DSCAM: variants seen among roughly 807,000 people sequenced by gnomAD.
DSCAM encodes the protein cell adhesion molecule DSCAM.
DSCAM carries 47 observed loss-of-function variants against 217.7 expected under a neutral mutation model. The ratio of observed to expected loss-of-function variants is 0.22; its 90% CI spans 0.17 to 0.28. The LOEUF (loss-of-function observed/expected upper bound fraction) is 0.28, where lower values mean the gene tolerates loss of function less well. Among genes scored for constraint, DSCAM ranks in the 10% least tolerant of loss-of-function variants. DSCAM has a pLI of 1.00. For missense variants in DSCAM, 2,080 were observed against 2,618.3 expected (o/e 0.79, Z 4.49); for synonymous variants, 1,056 against 1,015.3 (o/e 1.04, Z -0.76).
chr21:40,458,705 T>C (rs1446957334), intron 3 of DSCAM, among the ~76,000 whole-genome samples: 1 of 152,132 alleles, frequency 6.6e-6, no homozygotes. Flanking sequence ...TTAAACAACA[T>C]AGTTAGATCT....
In DSCAM at chr21:40,429,401, G is replaced by T. The variant is rs137931471; in HGVS notation, c.509-60156C>A. On this transcript the variant is annotated intron_variant, in intron 3 of 32. Coordinates refer to ENST00000400454, the MANE Select transcript of DSCAM (RefSeq NM_001389.5). Reference sequence around the variant, plus strand: ...CCTGCCTCAGCCTCCCGAGTAGCTGGGGTTATAGGCATGCACCACCACGCC... The same window carrying T: ...CCTGCCTCAGCCTCCCGAGTAGCTGTGGTTATAGGCATGCACCACCACGCC... Among the ~76,000 whole-genome samples the T allele has an allele frequency of 3.5e-3, 534 of 152,136 alleles. 4 individuals are homozygous for T. Among genetic ancestry groups the T allele is most frequent in the Non-Finnish European group, 4.5e-3 (308 of 67,996 alleles).
chr21:40,460,805 G>A (rs1239154460), intron 3 of DSCAM, among the ~76,000 whole-genome samples: 2 of 152,176 alleles, frequency 1.3e-5, no homozygotes, highest in Non-Finnish European at 2.9e-5. Context: ...TGGGTGACAT[G>A]AATCAGCCAA....
At chr21:40,683,828 G>A (rs1195694790) in intron 3 of DSCAM, among the ~76,000 whole-genome samples, 1 of 152,200 alleles carries the variant, frequency 6.6e-6, no homozygotes. Context: ...GCAGAGTTGA[G>A]AATGGGGTGC....
chr21:40,438,782 C>T lies in DSCAM; in HGVS notation c.509-69537G>A, dbSNP rs562839535. On this transcript the variant is annotated intron_variant, in intron 3 of 32. Coordinates refer to ENST00000400454, the MANE Select transcript of DSCAM (RefSeq NM_001389.5). ...AAAACAGCAGACCTTTCATCTCTCA[C>T]GAGGCACTGTAACATACATGCTGAG... Among the ~76,000 whole-genome samples the T allele has an allele frequency of 1.1e-4, 16 of 152,280 alleles. No individual in the cohort carries two copies. In the East Asian group the frequency reaches 1.9e-3, roughly 18 times the overall value.
chr21:40,810,326 A>G (rs1163269405), intron 1 of DSCAM, among the ~76,000 whole-genome samples: 1 of 152,180 alleles, frequency 6.6e-6, no homozygotes, highest in Non-Finnish European at 1.5e-5. Flanking sequence ...TTATCTTAGA[A>G]GAATGTAAAT....
intron 19 of DSCAM, among the ~76,000 whole-genome samples, chr21:40,126,072 T>A (rs1444359260): frequency 1.3e-5 from 2 of 152,230 alleles, no homozygotes; most frequent in Admixed American, 6.5e-5. Context: ...TGGGTAGTAC[T>A]GTAAGTTAAT....
At chr21:40,487,243 CTCTCTT>C (rs149363547) in intron 3 of DSCAM, among the ~76,000 whole-genome samples, 17,495 of 151,180 alleles carry the variant, frequency 0.12, 1,166 homozygotes, top group Non-Finnish European at 0.17. Context: ...CTCTCTCTCT[CTCTCTT>C]TCTCTCCCTC....
At chr21:40,306,755 C>A (rs954575755) in intron 9 of DSCAM, among the ~76,000 whole-genome samples, 1 of 151,976 alleles carries the variant, frequency 6.6e-6, no homozygotes. Context: ...TATTAATTTG[C>A]GTATATTGAA....
intron 9 of DSCAM, 121 bp downstream of exon 9, chr21:40,311,960 T>TTTTTTTTTATAAAAAAAA: frequency 3.1e-6 from 1 of 321,030 alleles, no homozygotes; most frequent in Non-Finnish European, 4.8e-6. Flanking sequence ...TTTTTTTTTT[T>TTTTTTTTTATAAAAAAAA]AGTGAGATAA....
At chr21:40,666,012 G>C (rs1369766883) in intron 3 of DSCAM, among the ~76,000 whole-genome samples, 2 of 152,070 alleles carry the variant, frequency 1.3e-5, no homozygotes, top group East Asian at 3.9e-4. Flanking sequence ...GTCTCTCCTG[G>C]CTGACACCTG....
In DSCAM at chr21:40,013,290, C is replaced by T; in HGVS notation, c.5783G>A (p.Cys1928Tyr). ...GGTCCGGCTTTTCTGAGGTTCCAAG[C>T]ATGCTTGTCCTAAGCTCAGGTCCCT... ...TSRDLSLGQA[C>Y]LEPQKSRTLK... The change falls in exon 33 of 33, where the codon TGC (cysteine) becomes TAC (tyrosine). Residue 1928 changes from cysteine to tyrosine, a missense_variant. By Grantham distance (194) the Cys-to-Tyr change is radical. Transcript: ENST00000400454. 1 of 1,613,268 alleles carries T rather than the reference C, an allele frequency of 6.2e-7. No homozygotes were observed. Among genetic ancestry groups the T allele is most frequent in the Non-Finnish European group, 8.5e-7 (1 of 1,179,654 alleles).
intron 3 of DSCAM, among the ~76,000 whole-genome samples, chr21:40,665,478 G>C (rs761845432): frequency 6.6e-6 from 1 of 152,104 alleles, no homozygotes; most frequent in Non-Finnish European, 1.5e-5. Flanking sequence ...TGTCCTCTCC[G>C]CACTTTCATT....
chr21:40,062,505 A>C (rs1244869481), intron 28 of DSCAM, among the ~76,000 whole-genome samples: 4 of 152,134 alleles, frequency 2.6e-5, no homozygotes, highest in African/African-American at 9.7e-5. Flanking sequence ...TTTTCTTTTA[A>C]CTTGGATTAT....
chr21:40,544,988 T>C (rs2076570314), intron 3 of DSCAM, among the ~76,000 whole-genome samples: 1 of 151,840 alleles, frequency 6.6e-6, no homozygotes, highest in South Asian at 2.1e-4. Flanking sequence ...TTCTCCAAAA[T>C]TCATTTGTCG....
intron 28 of DSCAM, 147 bp downstream of exon 28, chr21:40,062,722 G>T: frequency 1.5e-6 from 1 of 645,984 alleles, no homozygotes; most frequent in Non-Finnish European, 2.5e-6. Context: ...TGGATATTTT[G>T]GAATGTATAG....
intron 3 of DSCAM, among the ~76,000 whole-genome samples, chr21:40,435,579 A>C (rs1390148003): frequency 1.3e-5 from 2 of 151,204 alleles, no homozygotes; most frequent in African/African-American, 4.8e-5. Context: ...ATTTAGGTGA[A>C]GGTTCATTTC....
chr21:40,578,612 C>A (rs191093538), intron 3 of DSCAM, among the ~76,000 whole-genome samples: 1 of 152,324 alleles, frequency 6.6e-6, no homozygotes, highest in African/African-American at 2.4e-5. Flanking sequence ...CCCTTTTGCA[C>A]TGTGGTACCT....
At chr21:40,803,955 C>T (rs1233467118) in intron 1 of DSCAM, among the ~76,000 whole-genome samples, 1 of 152,146 alleles carries the variant, frequency 6.6e-6, no homozygotes, top group Non-Finnish European at 1.5e-5. Context: ...CTTCTCTAAC[C>T]TACTCAAGCC....
At chr21:40,739,691 A>G (rs1427438148) in intron 1 of DSCAM, among the ~76,000 whole-genome samples, 1 of 152,138 alleles carries the variant, frequency 6.6e-6, no homozygotes. Flanking sequence ...AATTCAACAT[A>G]TAATTTTTTT....
Sources: allele counts gnomAD v4.1 joint callset (sites outside exome capture counted in the v4.1 genomes callset), GRCh38; gene constraint gnomAD v4.1.1; transcripts MANE v1.5; gene names NCBI Gene and HGNC (gene_info 2026-07-23, HGNC 2026-07-21).